The following CLCA1 variants were observed in gnomAD, a reference collection of about 807,000 sequenced individuals.
The protein encoded by CLCA1 is calcium-activated chloride channel regulator 1.
A neutral mutation model predicts 85.6 loss-of-function variants in CLCA1; 59 were observed. The observed-to-expected ratio is 0.69, with a 90% CI of 0.56 to 0.86. The LOEUF is 0.86. CLCA1 is among the 40% of genes least tolerant of loss of function. The pLI is 0.00. For synonymous variants in CLCA1, 396 were observed against 398.3 expected (o/e 0.99, Z 0.07); for missense variants, 1,022 against 1,101.4 (o/e 0.93, Z 1.02).
intron 12 of CLCA1, among the ~76,000 whole-genome samples, chr1:86,496,511 C>A (rs1357931617): frequency 2.0e-5 from 3 of 152,142 alleles, no homozygotes; most frequent in Non-Finnish European, 4.4e-5. Context: ...GAATTGAGAC[C>A]AAGTTTGTGT....
intron 3 of CLCA1, among the ~76,000 whole-genome samples, chr1:86,476,061 G>A (rs1405357243): frequency 6.6e-6 from 1 of 152,168 alleles, no homozygotes; most frequent in Non-Finnish European, 1.5e-5. Context: ...AATTGGTTGA[G>A]GATGCTGCCC....
chr1:86,482,568 G>C (rs1178455417), intron 5 of CLCA1, among the ~76,000 whole-genome samples, 186 bp downstream of exon 5: 2 of 152,098 alleles, frequency 1.3e-5, no homozygotes, highest in Admixed American at 6.6e-5. Flanking sequence ...CCCTCCTCGT[G>C]TCCACGCTTT....
chr1:86,472,009 T>G (rs1278542758), intron 1 of CLCA1, among the ~76,000 whole-genome samples: 2 of 119,256 alleles, frequency 1.7e-5, no homozygotes, highest in African/African-American at 6.4e-5. Context: ...AATGACCCCT[T>G]TTTCTTTTAC....
At chr1:86,472,645 G>A (rs1386147311) in intron 1 of CLCA1, among the ~76,000 whole-genome samples, 1 of 152,120 alleles carries the variant, frequency 6.6e-6, no homozygotes, top group Admixed American at 6.5e-5. Context: ...TAACGCTGCA[G>A]CTATTTCATT....
chr1:86,471,819 A>G (rs2753367), intron 1 of CLCA1, among the ~76,000 whole-genome samples: 98,952 of 151,758 alleles, frequency 0.65, 32,568 homozygotes, highest in Non-Finnish European at 0.69. Flanking sequence ...GGCTCAGAGA[A>G]GTAAAATAAG....
intron 1 of CLCA1, 62 bp downstream of exon 1, chr1:86,469,195 C>T (rs1226541746): frequency 6.7e-6 from 8 of 1,197,924 alleles, no homozygotes; most frequent in Admixed American, 2.2e-5. Context: ...ATAGAGAGAA[C>T]ATGAGTGCCC....
At chr1:86,476,781 TC>T (rs1647647426) in intron 4 of CLCA1, among the ~76,000 whole-genome samples, 1 of 147,996 alleles carries the variant, frequency 6.8e-6, no homozygotes, top group Non-Finnish European at 1.5e-5. Context: ...CCTCCTTTTT[TC>T]TTTTTTTTTA....
intron 7 of CLCA1, among the ~76,000 whole-genome samples, chr1:86,488,163 C>G (rs1259460906): frequency 6.6e-6 from 1 of 152,188 alleles, no homozygotes; most frequent in Admixed American, 6.5e-5. Flanking sequence ...TTGGAAGATG[C>G]CTTCTTATCT....
At position 86,473,717 on chromosome 1, in the gene CLCA1, C is replaced by T. The variant is rs1647563385; in HGVS notation, c.304-12C>T. On this transcript the variant is annotated splice_polypyrimidine_tract_variant and intron_variant, in intron 2 of 13. Coordinates refer to ENST00000394711, the MANE Select transcript of CLCA1 (RefSeq NM_001285.4). ...AACTTTGTGATGATAGAAACTTTTTCTTAAATTTCAGGCTGATGTTCTGGT... is the reference window on the plus strand; with the variant it reads ...AACTTTGTGATGATAGAAACTTTTTTTTAAATTTCAGGCTGATGTTCTGGT... 1 of 1,560,082 alleles carries T rather than the reference C, an allele frequency of 6.4e-7. No homozygotes were observed. The highest frequency in any genetic ancestry group is 1.4e-5 in the African/African-American group (1 of 72,640).
intron 7 of CLCA1, among the ~76,000 whole-genome samples, chr1:86,488,590 A>G (rs1648048011): frequency 1.3e-5 from 2 of 152,194 alleles, no homozygotes; most frequent in African/African-American, 4.8e-5. Flanking sequence ...ATATAAGTTA[A>G]AGTCTGCCCT....
intron 4 of CLCA1, 49 bp from the exon 5 acceptor site, chr1:86,482,156 C>G: frequency 7.0e-7 from 1 of 1,436,146 alleles, no homozygotes; most frequent in Non-Finnish European, 9.7e-7. Flanking sequence ...GACTCTGACC[C>G]TTTGAAATGA....
chr1:86,484,034 A>T (rs1647891467), intron 5 of CLCA1, among the ~76,000 whole-genome samples: 1 of 152,210 alleles, frequency 6.6e-6, no homozygotes, highest in Admixed American at 6.5e-5. Context: ...TCATCAGATT[A>T]CGTGGGAACT....
intron 10 of CLCA1, 52 bp downstream of exon 10, chr1:86,493,651 T>C: frequency 7.4e-7 from 1 of 1,349,150 alleles, no homozygotes; most frequent in Non-Finnish European, 1.1e-6. Context: ...TAAAATAAAG[T>C]TTTTACAGAA....
chr1:86,492,485 A>G (rs1202189303), intron 9 of CLCA1, among the ~76,000 whole-genome samples: 1 of 152,210 alleles, frequency 6.6e-6, no homozygotes, highest in Non-Finnish European at 1.5e-5. Flanking sequence ...CCAGTGTGCC[A>G]CAAGAACCAG....
chr1:86,469,741 G>T (rs930252874), intron 1 of CLCA1, among the ~76,000 whole-genome samples: 1 of 152,120 alleles, frequency 6.6e-6, no homozygotes, highest in African/African-American at 2.4e-5. Flanking sequence ...CATTGAAGAA[G>T]GTCTTGTACA....
intron 6 of CLCA1, 136 bp downstream of exon 6, chr1:86,485,697 GCCC>G (rs1647946716): frequency 1.3e-6 from 1 of 747,708 alleles, no homozygotes; most frequent in Non-Finnish European, 2.2e-6. Flanking sequence ...CTTCAGAAAT[GCCC>G]ACTTCAACTT....
At chr1:86,490,913 A>AT (rs138889569) in intron 8 of CLCA1, among the ~76,000 whole-genome samples, 59,884 of 147,382 alleles carry the variant, frequency 0.41, 12,915 homozygotes, top group Non-Finnish European at 0.48. Flanking sequence ...AAAAAAAAAA[A>AT]AAAAAAAAAT....
intron 1 of CLCA1, among the ~76,000 whole-genome samples, chr1:86,471,671 T>C (rs5744313): frequency 9.9e-5 from 15 of 152,202 alleles, no homozygotes; most frequent in African/African-American, 3.6e-4. Context: ...ATTTTATTTT[T>C]TAAAGTGACA....
chr1:86,473,916 AT>A, intron 3 of CLCA1, 40 bp downstream of exon 3: 1 of 1,478,080 alleles, frequency 6.8e-7, no homozygotes, highest in Non-Finnish European at 9.2e-7. Flanking sequence ...CAATTTAACT[AT>A]TTTATGTTCA....
Sources: gnomAD v4.1 joint callset for allele counts (sites outside exome capture counted in the v4.1 genomes callset) on GRCh38, gnomAD v4.1.1 for gene constraint, MANE v1.5 for transcripts, NCBI Gene and HGNC (gene_info 2026-07-23, HGNC 2026-07-21) for gene names.